Variants in CCSER1 observed in about 807,000 individuals in gnomAD.
CCSER1 encodes the protein coiled-coil serine rich protein 1.
CCSER1 carries 41 observed loss-of-function variants against 82.0 expected under a neutral mutation model. The observed-to-expected ratio is 0.50, with a 90% CI of 0.39 to 0.65. The LOEUF (loss-of-function observed/expected upper bound fraction) is 0.65, where lower values mean the gene tolerates loss of function less well. CCSER1 is among the 30% of genes least tolerant of loss of function. CCSER1 has a pLI of 0.00. For missense variants in CCSER1, 1,119 were observed against 1,064.2 expected, an observed-to-expected ratio of 1.05 and a Z score of -0.72; for synonymous variants, 414 against 383.9, an observed-to-expected ratio of 1.08 and a Z score of -0.92.
intron 10 of CCSER1, among the ~76,000 whole-genome samples, chr4:91,296,449 T>TTATATATATATACA (rs1189152879): frequency 1.3e-4 from 12 of 94,094 alleles, no homozygotes; most frequent in African/African-American, 6.7e-4. Flanking sequence ...GTGTCTAACA[T>TTATATATATATACA]TATATATATA....
At chr4:90,792,536 G>A (rs771319371) in intron 7 of CCSER1, among the ~76,000 whole-genome samples, 1 of 152,174 alleles carries the variant, frequency 6.6e-6, no homozygotes, top group East Asian at 1.9e-4. Flanking sequence ...TGGCAGAAGG[G>A]TGCCTACTAC....
intron 10 of CCSER1, among the ~76,000 whole-genome samples, chr4:91,330,879 T>C (rs1158449611): frequency 6.6e-6 from 1 of 152,216 alleles, no homozygotes; most frequent in Non-Finnish European, 1.5e-5. Flanking sequence ...AATAAATATT[T>C]AATAAGTTTT....
intron 10 of CCSER1, among the ~76,000 whole-genome samples, chr4:91,141,959 G>GT (rs1363635988): frequency 2.6e-5 from 4 of 152,040 alleles, no homozygotes; most frequent in Admixed American, 1.3e-4. Context: ...GATGTTACTT[G>GT]TTTTTTATTT....
chr4:90,518,745 A>G (rs1772641567), intron 5 of CCSER1, among the ~76,000 whole-genome samples: 1 of 151,994 alleles, frequency 6.6e-6, no homozygotes, highest in African/African-American at 2.4e-5. Flanking sequence ...TGTGAAAATC[A>G]TCTATGCATT....
At chr4:90,740,987 C>T (rs538801906) in intron 7 of CCSER1, among the ~76,000 whole-genome samples, 33 of 151,932 alleles carry the variant, frequency 2.2e-4, no homozygotes, top group Non-Finnish European at 4.4e-4. Context: ...TAAACAGGGC[C>T]CTGGAAATCT....
chr4:91,181,737 C>T (rs574381969), intron 10 of CCSER1, among the ~76,000 whole-genome samples: 14 of 152,292 alleles, frequency 9.2e-5, no homozygotes, highest in East Asian at 7.7e-4. Flanking sequence ...TTCTGCAATG[C>T]GATCTTCCTA....
At chr4:91,205,110 A>G (rs1384580180) in intron 10 of CCSER1, among the ~76,000 whole-genome samples, 3 of 151,768 alleles carry the variant, frequency 2.0e-5, no homozygotes, top group Non-Finnish European at 3.0e-5. Context: ...GAAATCCAAT[A>G]TGCAAATATT....
chr4:90,524,545 T>G (rs903423574), intron 5 of CCSER1, among the ~76,000 whole-genome samples: 3 of 152,156 alleles, frequency 2.0e-5, no homozygotes, highest in African/African-American at 7.2e-5. Flanking sequence ...CTTGGCTCAC[T>G]GCAACCTCAG....
intron 9 of CCSER1, among the ~76,000 whole-genome samples, chr4:91,084,666 G>C (rs890448064): frequency 6.6e-6 from 1 of 151,856 alleles, no homozygotes; most frequent in Non-Finnish European, 1.5e-5. Flanking sequence ...ATATAATTTA[G>C]CCTCTTTAAA....
At chr4:90,699,068 T>C (rs901600660) in intron 6 of CCSER1, among the ~76,000 whole-genome samples, 2 of 151,964 alleles carry the variant, frequency 1.3e-5, no homozygotes, top group Non-Finnish European at 2.9e-5. Context: ...ACCACTGCAC[T>C]CCAGCCGGGG....
Position 91,569,873 on chromosome 4 carries a change from C to T in CCSER1, c.2218-28699C>T, listed in dbSNP as rs545414829. On this transcript the variant is annotated intron_variant, in intron 10 of 10. Coordinates refer to ENST00000509176, the MANE Select transcript of CCSER1 (RefSeq NM_001145065.2). ...CTAACAGTTCCCTGCAGTCTTAGAA[C>T]ATTCCAGAAATTCAAGTCCAAAGTC... Among the ~76,000 whole-genome samples, 7 of 152,238 alleles carry T rather than the reference C, an allele frequency of 4.6e-5. No individual in the cohort carries two copies. In the South Asian group the frequency reaches 1.5e-3, roughly 32 times the overall value.
intron 6 of CCSER1, among the ~76,000 whole-genome samples, chr4:90,662,972 A>G (rs1322517387): frequency 1.3e-5 from 2 of 152,190 alleles, no homozygotes; most frequent in Non-Finnish European, 2.9e-5. Flanking sequence ...ATCTTAAAGG[A>G]TGGAATATTA....
At chr4:91,163,981 G>A (rs1258909466) in intron 10 of CCSER1, among the ~76,000 whole-genome samples, 3 of 152,126 alleles carry the variant, frequency 2.0e-5, no homozygotes, top group Admixed American at 2.0e-4. Context: ...TATGATGTTA[G>A]CTGATTATTT....
At chr4:91,421,868 A>G (rs997272012) in intron 10 of CCSER1, among the ~76,000 whole-genome samples, 3 of 151,910 alleles carry the variant, frequency 2.0e-5, no homozygotes, top group African/African-American at 7.2e-5. Context: ...AGCTGAGGCA[A>G]CTGAAGGATT....
chr4:91,528,762 G>A (rs1259525796), intron 10 of CCSER1, among the ~76,000 whole-genome samples: 1 of 152,054 alleles, frequency 6.6e-6, no homozygotes, highest in African/African-American at 2.4e-5. Context: ...TTTTTCTTCA[G>A]TGCTGTTTAC....
intron 3 of CCSER1, among the ~76,000 whole-genome samples, chr4:90,396,100 A>C (rs187692377): frequency 7.6e-4 from 115 of 152,096 alleles, no homozygotes; most frequent in African/African-American, 2.5e-3. Flanking sequence ...AAACAAACAA[A>C]CAAACAAAAA....
At chr4:90,859,832 C>A (rs1764867875) in intron 8 of CCSER1, among the ~76,000 whole-genome samples, 1 of 151,586 alleles carries the variant, frequency 6.6e-6, no homozygotes, top group African/African-American at 2.4e-5. Flanking sequence ...TGGATCTTTG[C>A]CGTTGTTGAA....
intron 9 of CCSER1, among the ~76,000 whole-genome samples, chr4:91,046,628 A>C (rs1343686261): frequency 6.6e-6 from 1 of 152,172 alleles, no homozygotes; most frequent in African/African-American, 2.4e-5. Context: ...TATTGTAGTT[A>C]TGACAATGGA....
At chr4:91,355,948 G>A (rs1748800239) in intron 10 of CCSER1, among the ~76,000 whole-genome samples, 1 of 152,228 alleles carries the variant, frequency 6.6e-6, no homozygotes, top group African/African-American at 2.4e-5. Flanking sequence ...GTTATGTGGG[G>A]ATTTTTGCAG....
Sources: allele counts gnomAD v4.1 joint callset (sites outside exome capture counted in the v4.1 genomes callset), GRCh38; gene constraint gnomAD v4.1.1; transcripts MANE v1.5; gene names NCBI Gene and HGNC (gene_info 2026-07-23, HGNC 2026-07-21).